The following PRDM5 variants were observed in gnomAD, a reference collection of about 807,000 sequenced individuals.
The protein encoded by PRDM5 is PR/SET domain 5, also known as PR domain zinc finger protein 5.
A neutral mutation model predicts 81.2 loss-of-function variants in PRDM5; 56 were observed. That is an observed-to-expected ratio of 0.69 (90% CI 0.56 to 0.86). PRDM5 has a LOEUF of 0.86. Ranked by LOEUF, PRDM5 falls within the 40% of genes least tolerant of loss-of-function variation. The pLI, the probability that PRDM5 is intolerant of heterozygous loss-of-function variation, is 0.00. For missense variants in PRDM5, 697 were observed against 770.1 expected, an observed-to-expected ratio of 0.91 and a Z score of 1.12; for synonymous variants, 267 against 256.4, an observed-to-expected ratio of 1.04 and a Z score of -0.39.
In PRDM5 at chr4:120,907,694, T is replaced by C. The variant is rs1765992636; in HGVS notation, c.94-137A>G. 7 of 753,570 alleles carry C rather than the reference T, an allele frequency of 9.3e-6. No individual in the cohort carries two copies. The Admixed American group carries it at 1.4e-4, about 15-fold the overall frequency. 46.7% of individuals were successfully genotyped at this position (753,570 alleles called of 1,614,324 possible). Reference sequence around the variant, plus strand: ...GAGATGCTTTTGAAATATTAACTAATTTACCCAACACAAAATGTTTATTTA... The same window carrying C: ...GAGATGCTTTTGAAATATTAACTAACTTACCCAACACAAAATGTTTATTTA... On this transcript the variant is annotated intron_variant, in intron 1 of 15. Transcript: ENST00000264808.
chr4:120,690,107 C>T (rs1198877193), downstream of PRDM5, among the ~76,000 whole-genome samples: 1 of 152,076 alleles, frequency 6.6e-6, no homozygotes, highest in African/African-American at 2.4e-5. Flanking sequence ...AGTTTTCATC[C>T]ATTAAAGGCA....
At chr4:120,819,728 C>T (rs1430747687) in intron 4 of PRDM5, among the ~76,000 whole-genome samples, 4 of 151,890 alleles carry the variant, frequency 2.6e-5, no homozygotes, top group African/African-American at 7.3e-5. Flanking sequence ...AAATAACTTG[C>T]CCTGGGGACA....
intron 15 of PRDM5, among the ~76,000 whole-genome samples, chr4:120,704,980 A>C (rs1476784638): frequency 1.3e-5 from 2 of 152,216 alleles, no homozygotes; most frequent in Non-Finnish European, 2.9e-5. Context: ...AGCTGGAAAC[A>C]AATCCTGGAA....
downstream of PRDM5, among the ~76,000 whole-genome samples, chr4:120,684,455 A>G (rs918203262): frequency 2.0e-5 from 3 of 152,018 alleles, no homozygotes; most frequent in Non-Finnish European, 4.4e-5. Flanking sequence ...AAGACTAAAG[A>G]GAATATGAAA....
In PRDM5 at chr4:120,876,589, G is replaced by C. The variant is rs185625965; in HGVS notation, c.178-23049C>G. 4.6e-5 allele frequency among the ~76,000 whole-genome samples: 7 copies of C among 152,022 alleles called. 1 individual carries two copies. In the East Asian group the frequency reaches 1.4e-3, roughly 29 times the overall value. On this transcript the variant is annotated intron_variant, in intron 2 of 15. Coordinates refer to ENST00000264808, the MANE Select transcript of PRDM5 (RefSeq NM_018699.4). ...TAACCAAACAACTAAAGAGAAACAA[G>C]GTCTAAAAACATAAAGACCTTACAA...
At chr4:120,812,440 T>A (rs1281698882) in intron 7 of PRDM5, 1 of 140,348 alleles carries the variant, frequency 7.1e-6, no homozygotes, top group African/African-American at 3.0e-5. Flanking sequence ...GCATTCGTTA[T>A]TCCGTCTTTT....
At chr4:120,851,839 C>T (rs145525001) in intron 3 of PRDM5, among the ~76,000 whole-genome samples, 13 of 152,196 alleles carry the variant, frequency 8.5e-5, no homozygotes, top group Non-Finnish European at 1.3e-4. Flanking sequence ...AGAATTTCTA[C>T]GAATAAATGA....
intron 15 of PRDM5, among the ~76,000 whole-genome samples, chr4:120,703,845 A>G (rs1735731713): frequency 6.6e-6 from 1 of 152,062 alleles, no homozygotes; most frequent in African/African-American, 2.4e-5. Context: ...AGGGCCAACT[A>G]TTACTAAAAT....
intron 14 of PRDM5, among the ~76,000 whole-genome samples, chr4:120,725,434 A>G (rs953556597): frequency 5.9e-5 from 9 of 152,234 alleles, no homozygotes; most frequent in Non-Finnish European, 1.2e-4. Flanking sequence ...AAATAAAATG[A>G]CCCTACTGTC....
rs896138665 is a variant in PRDM5 at position 120,785,297 on chromosome 4, G to A, written c.1189-206C>T. On this transcript the variant is annotated intron_variant, in intron 10 of 15. Transcript: ENST00000264808. Reference sequence around the variant, plus strand: ...GAAAAATAACTTTTGAATGCTCACAGTAATTATTAACTTGATAAATAGTAA... The same window carrying A: ...GAAAAATAACTTTTGAATGCTCACAATAATTATTAACTTGATAAATAGTAA... 3.1e-4 allele frequency among the ~76,000 whole-genome samples: 47 copies of A among 152,032 alleles called. 1 individual carries two copies. Among genetic ancestry groups the A allele is most frequent in the African/African-American group, 1.1e-3 (45 of 41,492 alleles).
At chr4:120,885,321 C>A (rs529475252) in intron 2 of PRDM5, among the ~76,000 whole-genome samples, 1 of 152,136 alleles carries the variant, frequency 6.6e-6, no homozygotes, top group Non-Finnish European at 1.5e-5. Flanking sequence ...ATTAAGCCTC[C>A]ACCAAGGTAG....
chr4:120,895,009 C>T (rs935161731), intron 2 of PRDM5, among the ~76,000 whole-genome samples: 2 of 152,142 alleles, frequency 1.3e-5, no homozygotes, highest in African/African-American at 2.4e-5. Context: ...GACTTAATTC[C>T]ATTTTGTAAG....
At chr4:120,773,054 T>C (rs1747527155) in intron 13 of PRDM5, among the ~76,000 whole-genome samples, 1 of 152,206 alleles carries the variant, frequency 6.6e-6, no homozygotes, top group Non-Finnish European at 1.5e-5. Context: ...GTATAATCTT[T>C]TTAATATTTG....
downstream of PRDM5, chr4:120,691,828 CA>C (rs1734070343): frequency 6.6e-6 from 1 of 151,888 alleles, no homozygotes; most frequent in Admixed American, 6.6e-5. Flanking sequence ...TTTCATTCAT[CA>C]AAAACAACTT....
chr4:120,798,287 C>T lies in PRDM5; in HGVS notation c.1168G>A (p.Val390Ile), dbSNP rs533062576. The change falls in exon 10 of 16, where the codon GTT becomes ATT. Residue 390 changes from valine (V) to isoleucine (I), a missense_variant. This residue lies in a region of PRDM5 where 577 missense variants were observed against 606.7 expected (regional missense o/e 0.95). Coordinates refer to ENST00000264808, the MANE Select transcript of PRDM5 (RefSeq NM_018699.4). ...LCGKGFAHRN[V>I]YKNHKKTHSE... ...TTTACCTTCTTATGATTCTTGTAAA[C>T]ATTTCTGTGGGCAAATCCCTTTCCA... 6 of 1,605,240 alleles carry T rather than the reference C, an allele frequency of 3.7e-6. No individual in the cohort carries two copies. The South Asian group carries it at 4.5e-5, about 12-fold the overall frequency.
At chr4:120,754,473 T>C (rs1321575607) in intron 14 of PRDM5, 80 bp downstream of exon 14, 2 of 957,408 alleles carry the variant, frequency 2.1e-6, no homozygotes, top group Non-Finnish European at 3.2e-6. Context: ...CTTTATTTTG[T>C]AATATAAAGT....
chr4:120,798,267 C>T lies in PRDM5; in HGVS notation c.1188G>A (p.Lys396=). 2 of 1,571,322 alleles carry T rather than the reference C, an allele frequency of 1.3e-6. No homozygotes were observed. Among genetic ancestry groups the T allele is most frequent in the Non-Finnish European group, 1.7e-6 (2 of 1,156,176 alleles). ...TAATAATAATATTAATAAGTTTTAC[C>T]TTCTTATGATTCTTGTAAACATTTC... ...AHRNVYKNHK[K]THSEERPFQC... Residue 396 remains lysine (K), a splice_region_variant and synonymous_variant, in exon 10 of 16, where the codon AAG becomes AAA. Transcript: ENST00000264808.
chr4:120,836,157 G>C (rs1203390426), intron 3 of PRDM5, among the ~76,000 whole-genome samples: 1 of 152,138 alleles, frequency 6.6e-6, no homozygotes, highest in African/African-American at 2.4e-5. Context: ...GTGTTCATCA[G>C]AAAGAGAAAC....
At position 120,799,902 on chromosome 4, in the gene PRDM5, C is replaced by T. The variant is rs55847539; in HGVS notation, c.946-157G>A. Among the ~76,000 whole-genome samples the T allele has an allele frequency of 8.6e-3, 1,310 of 152,258 alleles. 21 individuals carry two copies. The highest frequency in any genetic ancestry group is 0.03 in the African/African-American group (1,241 of 41,560). Reference sequence around the variant, plus strand: ...ATTTGTTCACACTAACCTATATACACTGAAAATGCAGTGGACATAAGTTAT... The same window carrying T: ...ATTTGTTCACACTAACCTATATACATTGAAAATGCAGTGGACATAAGTTAT... On this transcript the variant is annotated intron_variant, in intron 8 of 15. Transcript: ENST00000264808.
Sources: gnomAD v4.1 joint callset for allele counts (sites outside exome capture counted in the v4.1 genomes callset) on GRCh38, gnomAD v4.1.1 for gene constraint, gnomAD v4.1.1 regional missense constraint, MANE v1.5 for transcripts, NCBI Gene and HGNC (gene_info 2026-07-23, HGNC 2026-07-21) for gene names.